The following SMIM10L3 variants were observed in gnomAD, a reference collection of about 807,000 sequenced individuals.
SMIM10L3 encodes the protein small integral membrane protein 10 like 3, also known as salivary gland specific protein SAGSIN1.
chr7:6,341,379 T>C, the SMIM10L3 span, among the ~76,000 whole-genome samples: 3 of 150,246 alleles, frequency 2.0e-5, no homozygotes, highest in African/African-American at 4.9e-5. Flanking sequence ...GAGGCGGAGC[T>C]TGCAGTGAGC....
chr7:6,334,653 G>C, the SMIM10L3 span, among the ~76,000 whole-genome samples: 1 of 151,914 alleles, frequency 6.6e-6, no homozygotes. Flanking sequence ...TTTTGGTAGA[G>C]ATGGGGTTCC....
At chr7:6,341,529 AT>A in the SMIM10L3 span, among the ~76,000 whole-genome samples, 1 of 149,228 alleles carries the variant, frequency 6.7e-6, no homozygotes, top group Non-Finnish European at 1.5e-5. Context: ...CTAAAAAAAA[AT>A]TTTTTTTAAA....
the SMIM10L3 span, among the ~76,000 whole-genome samples, chr7:6,332,966 A>C: frequency 2.0e-5 from 3 of 152,008 alleles, no homozygotes; most frequent in Non-Finnish European, 4.4e-5. Context: ...CGAGACAAGC[A>C]TGGTCAACAT....
chr7:6,336,518 T>C, the SMIM10L3 span, among the ~76,000 whole-genome samples: 5 of 151,766 alleles, frequency 3.3e-5, no homozygotes, highest in East Asian at 7.7e-4. Context: ...CTATCTCTAC[T>C]AAAAATACAA....
chr7:6,330,692 G>A, the SMIM10L3 span: 21 of 1,614,018 alleles, frequency 1.3e-5, no homozygotes, highest in Admixed American at 5.0e-5. Context: ...TGGCGTGGCA[G>A]TCGTGACACC....
chr7:6,348,178 T>C, the SMIM10L3 span, among the ~76,000 whole-genome samples: 2 of 148,310 alleles, frequency 1.3e-5, no homozygotes, highest in African/African-American at 4.9e-5. Context: ...CCAAAGTGCA[T>C]TACAGGAGTA....
chr7:6,331,068 G>C, the SMIM10L3 span: 2 of 1,613,678 alleles, frequency 1.2e-6, no homozygotes, highest in Non-Finnish European at 1.7e-6. Flanking sequence ...TTTTCTTAAG[G>C]CTGCATGATA....
the SMIM10L3 span, among the ~76,000 whole-genome samples, chr7:6,338,330 C>A: frequency 6.6e-6 from 1 of 152,068 alleles, no homozygotes; most frequent in Non-Finnish European, 1.5e-5. Flanking sequence ...TATACAAAAT[C>A]AGCTCTTTTT....
chr7:6,336,817 G>A, the SMIM10L3 span, among the ~76,000 whole-genome samples: 9 of 151,932 alleles, frequency 5.9e-5, no homozygotes, highest in African/African-American at 2.2e-4. Flanking sequence ...ACCACATCCA[G>A]CTAATTTTTT....
At chr7:6,343,373 G>T in the SMIM10L3 span, among the ~76,000 whole-genome samples, 4,142 of 134,772 alleles carry the variant, frequency 0.031, 210 homozygotes, top group African/African-American at 0.11. Flanking sequence ...GTGAAACTCC[G>T]TCTCAAAAAA....
the SMIM10L3 span, chr7:6,348,941 G>A: frequency 2.1e-5 from 8 of 380,170 alleles, no homozygotes; most frequent in South Asian, 1.4e-4. Context: ...GCGAGCAGCC[G>A]CCTGTACCAG....
At chr7:6,330,844 A>G in the SMIM10L3 span, 3 of 1,613,952 alleles carry the variant, frequency 1.9e-6, no homozygotes, top group East Asian at 2.2e-5. Context: ...GAACAAACCC[A>G]CGGCTGTGCT....
chr7:6,342,934 G>A, the SMIM10L3 span, among the ~76,000 whole-genome samples: 3 of 151,976 alleles, frequency 2.0e-5, no homozygotes, highest in African/African-American at 7.2e-5. Context: ...CTACTCAGAA[G>A]GCTGAAGTGG....
chr7:6,332,009 G>T, the SMIM10L3 span, among the ~76,000 whole-genome samples: 113 of 151,778 alleles, frequency 7.4e-4, 3 homozygotes, highest in African/African-American at 2.5e-3. Flanking sequence ...CTAGTTGGGA[G>T]GCTGAGGTGG....
At chr7:6,335,705 G>A in the SMIM10L3 span, among the ~76,000 whole-genome samples, 4 of 152,014 alleles carry the variant, frequency 2.6e-5, no homozygotes, top group East Asian at 1.9e-4. Context: ...TTTACTGATA[G>A]AATTGTGACC....
the SMIM10L3 span, among the ~76,000 whole-genome samples, chr7:6,331,512 G>A: frequency 1.3e-5 from 2 of 151,524 alleles, no homozygotes; most frequent in African/African-American, 2.4e-5. Context: ...TGTCGCCCAC[G>A]CTGGGCGACC....
chr7:6,334,292 T>C, the SMIM10L3 span, among the ~76,000 whole-genome samples: 1 of 150,860 alleles, frequency 6.6e-6, no homozygotes, highest in Non-Finnish European at 1.5e-5. Flanking sequence ...TCCCAGCACT[T>C]GGGGAGGCCT....
At chr7:6,346,203 C>T in the SMIM10L3 span, among the ~76,000 whole-genome samples, 1 of 152,110 alleles carries the variant, frequency 6.6e-6, no homozygotes, top group Non-Finnish European at 1.5e-5. Flanking sequence ...CAGGCCTTCT[C>T]GTTTACCAGT....
At chr7:6,341,636 G>A in the SMIM10L3 span, among the ~76,000 whole-genome samples, 1 of 150,426 alleles carries the variant, frequency 6.6e-6, no homozygotes, top group Non-Finnish European at 1.5e-5. Flanking sequence ...CTTGCAGTGA[G>A]CTGAGATCGC....
Sources: allele counts gnomAD v4.1 joint callset (sites outside exome capture counted in the v4.1 genomes callset), GRCh38; gene constraint gnomAD v4.1.1; transcripts MANE v1.5; gene names NCBI Gene and HGNC (gene_info 2026-07-23, HGNC 2026-07-21).